Variants in PIK3C2A observed in about 807,000 individuals in gnomAD.
The protein encoded by PIK3C2A is phosphatidylinositol-4-phosphate 3-kinase catalytic subunit type 2 alpha.
Under a neutral mutation model 204.5 loss-of-function variants are expected in PIK3C2A, and 97 were observed. The ratio of observed to expected loss-of-function variants is 0.47; its 90% CI spans 0.40 to 0.56. The LOEUF (loss-of-function observed/expected upper bound fraction) is 0.56, where lower values mean the gene tolerates loss of function less well. PIK3C2A is among the 20% of genes least tolerant of loss of function. The pLI is 0.00. For synonymous variants in PIK3C2A, 653 were observed against 664.4 expected (o/e 0.98, Z 0.26); for missense variants, 1,735 against 1,969.2 (o/e 0.88, Z 2.25).
At chr11:17,157,706 G>A (rs951340487) in intron 2 of PIK3C2A, among the ~76,000 whole-genome samples, 3 of 152,080 alleles carry the variant, frequency 2.0e-5, no homozygotes, top group Admixed American at 6.6e-5. Context: ...TTAATATGCC[G>A]GGAAAGATTA....
chr11:17,186,015 A>G (rs889291241), intron 1 of PIK3C2A, among the ~76,000 whole-genome samples: 1 of 152,132 alleles, frequency 6.6e-6, no homozygotes, highest in South Asian at 2.1e-4. Context: ...AGGCACACTA[A>G]TATTTGGCCC....
intron 4 of PIK3C2A, 103 bp downstream of exon 4, chr11:17,150,395 G>C (rs1850386834): frequency 9.9e-7 from 1 of 1,008,016 alleles, no homozygotes; most frequent in Non-Finnish European, 1.4e-6. Context: ...ATGCCAAAAA[G>C]ACACATAACA....
chr11:17,132,016 A>T lies in PIK3C2A; in HGVS notation c.2131T>A (p.Cys711Ser). 6.5e-7 allele frequency: 1 copy of T among 1,538,858 alleles called. No homozygotes were observed. Reference protein sequence around the residue: ...VSNYEKYYLICSLSHNGKDLF... With the variant: ...VSNYEKYYLISSLSHNGKDLF... ...TCCTTTCCATTGTGAGACAGTGAAC[A>T]TATCAAGTAGTATTTTTCATAACTG... The change falls in exon 12 of 33, where the codon TGT (cysteine) becomes AGT (serine). Residue 711 changes from cysteine (C) to serine (S), a missense_variant. Physicochemically the swap from Cys to Ser is moderately radical, Grantham distance 112 (BLOSUM62 -1). This residue lies in a region of PIK3C2A where 567 missense variants were observed against 576.0 expected (regional missense o/e 0.98). Coordinates refer to ENST00000691414, the MANE Select transcript of PIK3C2A (RefSeq NM_002645.4).
chr11:17,151,669 G>T (rs1030842443), intron 3 of PIK3C2A, among the ~76,000 whole-genome samples: 1 of 152,090 alleles, frequency 6.6e-6, no homozygotes. Flanking sequence ...TAAACTGGGG[G>T]TAATACTACT....
At chr11:17,136,411 G>A (rs1849873786) in intron 9 of PIK3C2A, 71 bp downstream of exon 9, 2 of 1,191,082 alleles carry the variant, frequency 1.7e-6, no homozygotes, top group South Asian at 2.6e-5. Flanking sequence ...TTTTGTCTAG[G>A]ATAAGGCAAA....
chr11:17,174,770 G>A (rs559842422), intron 1 of PIK3C2A, among the ~76,000 whole-genome samples: 1 of 151,900 alleles, frequency 6.6e-6, no homozygotes, highest in South Asian at 2.1e-4. Flanking sequence ...GTGGTGGCAC[G>A]CCAGGCCTGT....
intron 1 of PIK3C2A, among the ~76,000 whole-genome samples, chr11:17,192,970 T>G (rs1049283045): frequency 3.3e-5 from 5 of 152,254 alleles, no homozygotes; most frequent in Non-Finnish European, 7.3e-5. Context: ...TCCTCATGAC[T>G]ACGACTGTGG....
At chr11:17,115,096 T>C (rs750051911) in intron 19 of PIK3C2A, among the ~76,000 whole-genome samples, 4 of 152,154 alleles carry the variant, frequency 2.6e-5, no homozygotes, top group Non-Finnish European at 4.4e-5. Context: ...CCAACTGCCT[T>C]TTTGCAGCAA....
Position 17,122,690 on chromosome 11 carries a change from A to T in PIK3C2A, c.2511+12T>A. On this transcript the variant is annotated intron_variant, in intron 14 of 32. Transcript: ENST00000691414. ...AATGTACACCTCTCTACATGTCAAGAAGTACCATTACCTGTAGCACTATTC... is the reference window on the plus strand; with the variant it reads ...AATGTACACCTCTCTACATGTCAAGTAGTACCATTACCTGTAGCACTATTC... 1 of 1,087,106 alleles carries T rather than the reference A, an allele frequency of 9.2e-7. No individual in the cohort carries two copies. The highest frequency in any genetic ancestry group is 1.4e-6 in the Non-Finnish European group (1 of 707,484). The allele number at this position is 1,087,106 out of a possible 1,614,324, so 67.3% of individuals were successfully genotyped here.
rs56831574 is a variant in PIK3C2A, at chr11:17,125,160, T to G, written c.2400-2347A>C. 3.1e-3 allele frequency among the ~76,000 whole-genome samples: 465 copies of G among 152,338 alleles called. 2 individuals are homozygous for G. Among genetic ancestry groups the G allele is most frequent in the African/African-American group, 0.011 (439 of 41,584 alleles). On this transcript the variant is annotated intron_variant, in intron 13 of 32. Transcript: ENST00000691414. ...ATTTAATGGTTTTAGGAAGGCATTT[T>G]CACAGATTTTAAGGTTTTAAAACAA...
At chr11:17,111,885 A>C (rs1350153088) in intron 21 of PIK3C2A, among the ~76,000 whole-genome samples, 10 of 149,794 alleles carry the variant, frequency 6.7e-5, no homozygotes, top group Non-Finnish European at 1.2e-4. Context: ...TCCAAAACAA[A>C]AAAAAAAAAA....
At chr11:17,142,292 T>C (rs1337243947) in intron 8 of PIK3C2A, among the ~76,000 whole-genome samples, 5 of 152,090 alleles carry the variant, frequency 3.3e-5, no homozygotes. Flanking sequence ...TATAGGGATA[T>C]ACCAAGATCA....
chr11:17,188,472 A>G (rs537535208), intron 1 of PIK3C2A, among the ~76,000 whole-genome samples: 1 of 147,510 alleles, frequency 6.8e-6, no homozygotes, highest in Non-Finnish European at 1.5e-5. Context: ...CAGCAGCATC[A>G]GGAGAAAACG....
intron 1 of PIK3C2A, chr11:17,193,456 G>T: frequency 2.5e-6 from 1 of 396,720 alleles, no homozygotes; most frequent in Non-Finnish European, 5.0e-6. Context: ...TCCGGTTCTA[G>T]GTGCTTCAGG....
chr11:17,097,344 C>A, intron 26 of PIK3C2A, 80 bp from the exon 27 acceptor site: 1 of 824,190 alleles, frequency 1.2e-6, no homozygotes. Flanking sequence ...TGACAAAAAC[C>A]ACTTTCATTC....
Position 17,119,993 on chromosome 11 carries a change from T to A in PIK3C2A, c.2658-19A>T. The A allele has an allele frequency of 9.2e-7, 1 of 1,084,574 alleles. No homozygotes were observed. Among genetic ancestry groups the A allele is most frequent in the Non-Finnish European group, 1.3e-6 (1 of 744,012 alleles). 67.2% of individuals were successfully genotyped at this position (1,084,574 alleles called of 1,614,324 possible). On this transcript the variant is annotated intron_variant, in intron 15 of 32. Transcript: ENST00000691414. The stretch of plus-strand genomic sequence containing the variant: ...AGAAAGTCTGCATATATAATAGAAT[T>A]AAATTACTTCTCAGTGATAACATAA...
chr11:17,193,840 G>A, intron 1 of PIK3C2A: 1 of 106,540 alleles, frequency 9.4e-6, no homozygotes, highest in Non-Finnish European at 1.6e-5. Context: ...GCGAGACTCT[G>A]TCTCAAAAAA....
At chr11:17,195,389 G>A (rs1262263631) in intron 1 of PIK3C2A, among the ~76,000 whole-genome samples, 1 of 151,280 alleles carries the variant, frequency 6.6e-6, no homozygotes, top group Non-Finnish European at 1.5e-5. Context: ...TTCCAACCTG[G>A]TGAAAGAGGA....
At chr11:17,107,249 C>T (rs915372745) in intron 22 of PIK3C2A, among the ~76,000 whole-genome samples, 1 of 152,068 alleles carries the variant, frequency 6.6e-6, no homozygotes, top group South Asian at 2.1e-4. Flanking sequence ...GGAGGCGGAG[C>T]TTGCAGTGAG....
Sources: gnomAD v4.1 joint callset for allele counts (sites outside exome capture counted in the v4.1 genomes callset) on GRCh38, gnomAD v4.1.1 for gene constraint, gnomAD v4.1.1 regional missense constraint, MANE v1.5 for transcripts, NCBI Gene and HGNC (gene_info 2026-07-23, HGNC 2026-07-21) for gene names.